DOCK3: variants seen among roughly 807,000 people sequenced by gnomAD.
DOCK3 encodes dedicator of cytokinesis protein 3.
Under a neutral mutation model 265.6 loss-of-function variants are expected in DOCK3, and 60 were observed. The observed-to-expected ratio is 0.23, with a 90% confidence interval of 0.18 to 0.28. The LOEUF is 0.28. DOCK3 is among the 10% of genes least tolerant of loss of function. The pLI, the probability that DOCK3 is intolerant of heterozygous loss-of-function variation, is 1.00. For missense variants in DOCK3, 1,981 were observed against 2,594.3 expected, an observed-to-expected ratio of 0.76 and a Z score of 5.14; for synonymous variants, 881 against 938.0, an observed-to-expected ratio of 0.94 and a Z score of 1.11.
chr3:50,724,560 A>G (rs2037691206), intron 1 of DOCK3, among the ~76,000 whole-genome samples: 1 of 152,208 alleles, frequency 6.6e-6, no homozygotes, highest in South Asian at 2.1e-4. Flanking sequence ...ATGAAACTGG[A>G]AACCATCATT....
intron 3 of DOCK3, among the ~76,000 whole-genome samples, chr3:50,861,116 A>G (rs989600235): frequency 3.3e-5 from 5 of 152,130 alleles, no homozygotes; most frequent in Non-Finnish European, 5.9e-5. Flanking sequence ...AGGGTTGCTC[A>G]TTCACTCACC....
In DOCK3 at chr3:50,805,133, C is replaced by T. The variant is rs961331799; in HGVS notation, c.121+26375C>T. On this transcript the variant is annotated intron_variant, in intron 2 of 52. Coordinates refer to ENST00000266037, the MANE Select transcript of DOCK3 (RefSeq NM_004947.5). ...ATTTGTATCCATCTAGTGGAAAAGT[C>T]GCCTCTTCCAATTTTATGGTGTAGG... Among the ~76,000 whole-genome samples the T allele has an allele frequency of 3.3e-5, 5 of 151,998 alleles. No homozygotes were observed. The East Asian group carries it at 7.7e-4, about 23-fold the overall frequency.
chr3:50,985,821 T>TATTAA (rs1165022494), intron 5 of DOCK3, among the ~76,000 whole-genome samples: 1 of 151,646 alleles, frequency 6.6e-6, no homozygotes, highest in Non-Finnish European at 1.5e-5. Context: ...TAAATTTATT[T>TATTAA]ATTAAATTAA....
intron 5 of DOCK3, among the ~76,000 whole-genome samples, chr3:51,028,407 A>G (rs990878459): frequency 2.7e-5 from 4 of 150,504 alleles, no homozygotes; most frequent in Non-Finnish European, 5.9e-5. Context: ...TAACTTTGGG[A>G]TGTTTGTCTT....
intron 5 of DOCK3, among the ~76,000 whole-genome samples, chr3:51,043,261 G>C (rs1434848935): frequency 1.3e-5 from 2 of 152,126 alleles, no homozygotes; most frequent in Non-Finnish European, 2.9e-5. Context: ...GAACAGAACA[G>C]AGAACACAGA....
At chr3:51,080,820 G>A (rs1009500890) in intron 7 of DOCK3, among the ~76,000 whole-genome samples, 5 of 151,980 alleles carry the variant, frequency 3.3e-5, no homozygotes, top group East Asian at 3.9e-4. Context: ...ATAAAACAAC[G>A]GAATTTATTT....
intron 5 of DOCK3, among the ~76,000 whole-genome samples, chr3:50,970,929 ATATATATATATATATATAATG>A (rs2077199409): frequency 2.8e-5 from 2 of 71,416 alleles, no homozygotes; most frequent in African/African-American, 1.2e-4. Context: ...ATATATATAT[ATATATATATATATATATAATG>A]TGTGTGTGTG....
intron 12 of DOCK3, among the ~76,000 whole-genome samples, chr3:51,187,466 G>A (rs991124792): frequency 3.3e-5 from 5 of 152,214 alleles, no homozygotes; most frequent in Non-Finnish European, 5.9e-5. Context: ...GGACTTTTGA[G>A]TTAATGCTAA....
chr3:50,694,995 A>G (rs983786509), intron 1 of DOCK3, among the ~76,000 whole-genome samples: 1 of 152,170 alleles, frequency 6.6e-6, no homozygotes, highest in Non-Finnish European at 1.5e-5. Flanking sequence ...AGGTTAGCAG[A>G]TTTAATTTTG....
chr3:50,816,373 G>A (rs533147288), intron 2 of DOCK3, among the ~76,000 whole-genome samples: 21 of 139,234 alleles, frequency 1.5e-4, no homozygotes, highest in African/African-American at 2.7e-4. Context: ...CCAGGCTGGC[G>A]TGCAATGGTG....
At chr3:51,135,988 G>C (rs1386087142) in intron 9 of DOCK3, among the ~76,000 whole-genome samples, 2 of 152,162 alleles carry the variant, frequency 1.3e-5, no homozygotes, top group Non-Finnish European at 2.9e-5. Flanking sequence ...AGGATTACAG[G>C]TGGAGCCATT....
intron 2 of DOCK3, among the ~76,000 whole-genome samples, chr3:50,785,491 A>G (rs1263063738): frequency 1.3e-5 from 2 of 152,196 alleles, no homozygotes; most frequent in East Asian, 3.9e-4. Context: ...TGTCCCTTCT[A>G]TGCCAATTTT....
chr3:50,865,077 C>T (rs904361513), intron 3 of DOCK3, among the ~76,000 whole-genome samples: 1 of 152,006 alleles, frequency 6.6e-6, no homozygotes, highest in African/African-American at 2.4e-5. Flanking sequence ...TACAGGCATG[C>T]AATGTGTAAC....
At chr3:51,044,707 C>G (rs931084399) in intron 5 of DOCK3, among the ~76,000 whole-genome samples, 29 of 152,002 alleles carry the variant, frequency 1.9e-4, no homozygotes, top group African/African-American at 6.3e-4. Context: ...GTGATCTTAG[C>G]TAGATCTTCT....
intron 9 of DOCK3, among the ~76,000 whole-genome samples, chr3:51,122,428 C>T (rs531159463): frequency 3.9e-5 from 6 of 152,130 alleles, no homozygotes; most frequent in East Asian, 1.9e-4. Flanking sequence ...GCCCAGACAA[C>T]GGAGCAAGAC....
chr3:50,867,730 T>C (rs747805368), intron 3 of DOCK3, among the ~76,000 whole-genome samples: 3 of 152,142 alleles, frequency 2.0e-5, no homozygotes, highest in Non-Finnish European at 4.4e-5. Flanking sequence ...ATGTATCACA[T>C]TGATTTGTGT....
intron 12 of DOCK3, among the ~76,000 whole-genome samples, chr3:51,167,164 C>A (rs942466069): frequency 6.6e-6 from 1 of 152,068 alleles, no homozygotes; most frequent in African/African-American, 2.4e-5. Context: ...CTATTTCATC[C>A]TTTTATATGT....
chr3:51,031,479 T>C (rs1465450658), intron 5 of DOCK3, among the ~76,000 whole-genome samples: 9 of 152,312 alleles, frequency 5.9e-5, no homozygotes, highest in Admixed American at 3.9e-4. Flanking sequence ...CCAGCACTTA[T>C]TTTCATCAGT....
At chr3:51,170,485 G>C (rs907509114) in intron 12 of DOCK3, among the ~76,000 whole-genome samples, 6 of 151,634 alleles carry the variant, frequency 4.0e-5, no homozygotes, top group Non-Finnish European at 2.9e-5. Flanking sequence ...ATGTTTCTAG[G>C]AATTTATCCA....
Sources: allele counts gnomAD v4.1 joint callset (sites outside exome capture counted in the v4.1 genomes callset), GRCh38; gene constraint gnomAD v4.1.1; transcripts MANE v1.5; gene names NCBI Gene and HGNC (gene_info 2026-07-23, HGNC 2026-07-21).